KLHL29: variants seen among roughly 807,000 people sequenced by gnomAD.
KLHL29 encodes kelch like family member 29.
In KLHL29, 21 loss-of-function variants were observed where a neutral mutation model predicts 80.4. The observed-to-expected ratio is 0.26, with a 90% CI of 0.19 to 0.38. The LOEUF (loss-of-function observed/expected upper bound fraction) is 0.38. Ranked by LOEUF, KLHL29 falls within the 10% of genes least tolerant of loss-of-function variation. KLHL29 has a pLI of 1.00. For synonymous variants in KLHL29, 511 were observed against 526.8 expected, an observed-to-expected ratio of 0.97 and a Z score of 0.41; for missense variants, 867 against 1,223.9, an observed-to-expected ratio of 0.71 and a Z score of 4.35.
At chr2:23,621,176 CCAGCAG>C (rs201529828) in intron 3 of KLHL29, among the ~76,000 whole-genome samples, 1 of 152,008 alleles carries the variant, frequency 6.6e-6, no homozygotes, top group African/African-American at 2.4e-5. Flanking sequence ...CAGTTCTCAC[CCAGCAG>C]CAGCAGCAGC....
intron 5 of KLHL29, among the ~76,000 whole-genome samples, chr2:23,671,403 C>A: frequency 6.6e-6 from 1 of 152,022 alleles, no homozygotes; most frequent in East Asian, 1.9e-4. Flanking sequence ...TTCCCAAAGC[C>A]GTAGCTGACC....
intron 2 of KLHL29, among the ~76,000 whole-genome samples, chr2:23,480,520 T>C (rs576675896): frequency 2.6e-5 from 4 of 152,098 alleles, no homozygotes; most frequent in Admixed American, 1.3e-4. Context: ...TACAGATGCC[T>C]AGGTCCTTCC....
chr2:23,403,916 C>T (rs1415368541), intron 1 of KLHL29, among the ~76,000 whole-genome samples: 1 of 152,090 alleles, frequency 6.6e-6, no homozygotes, highest in Non-Finnish European at 1.5e-5. Context: ...GTGGGCAGAG[C>T]CCTCCCAAGA....
chr2:23,520,264 T>G (rs1666052022), intron 2 of KLHL29, among the ~76,000 whole-genome samples: 1 of 152,068 alleles, frequency 6.6e-6, no homozygotes, highest in African/African-American at 2.4e-5. Flanking sequence ...GTTCATCGTG[T>G]TAATTCTGTT....
Position 23,596,856 on chromosome 2 carries a change from C to T in KLHL29, c.285+34375C>T, listed in dbSNP as rs1461001033. The stretch of plus-strand genomic sequence containing the variant: ...TTTACCCATTTTTCAGATTTTCCTC[C>T]TTCTTACTCATGGCACTCATGTAAG... On this transcript the variant is annotated intron_variant, in intron 3 of 13. Coordinates refer to ENST00000486442, the MANE Select transcript of KLHL29 (RefSeq NM_052920.2). This position sits in a 1 kb window ranked among gnomAD's most constrained non-coding sequence, Gnocchi z 4.4. Among the ~76,000 whole-genome samples the T allele has an allele frequency of 6.6e-6, 1 of 152,136 alleles. No individual in the cohort carries two copies. The highest frequency in any genetic ancestry group is 2.4e-5 in the African/African-American group (1 of 41,426).
intron 2 of KLHL29, among the ~76,000 whole-genome samples, chr2:23,555,307 C>A (rs1667257306): frequency 6.6e-6 from 1 of 152,208 alleles, no homozygotes; most frequent in Non-Finnish European, 1.5e-5. Flanking sequence ...CCTGTTGAGA[C>A]ATGAGGGTTC....
At chr2:23,609,586 G>A (rs1668807977) in intron 3 of KLHL29, among the ~76,000 whole-genome samples, 1 of 152,020 alleles carries the variant, frequency 6.6e-6, no homozygotes, top group Non-Finnish European at 1.5e-5. Flanking sequence ...GGAGCCGGGT[G>A]CAGAATTTCA....
intron 1 of KLHL29, among the ~76,000 whole-genome samples, chr2:23,416,870 C>T (rs1666991986): frequency 6.6e-6 from 1 of 152,140 alleles, no homozygotes. Context: ...AGTACTGACC[C>T]CACTGCTGAC....
intron 3 of KLHL29, among the ~76,000 whole-genome samples, chr2:23,637,709 C>CT (rs1318233711): frequency 1.3e-5 from 2 of 152,156 alleles, no homozygotes; most frequent in Non-Finnish European, 2.9e-5. Context: ...TCCACACCCC[C>CT]TTTCTGTCCC....
intron 2 of KLHL29, among the ~76,000 whole-genome samples, chr2:23,517,774 C>G (rs911514150): frequency 6.6e-6 from 1 of 152,234 alleles, no homozygotes; most frequent in Non-Finnish European, 1.5e-5. Context: ...TGCTCAGCAG[C>G]TCCCTGTGGT....
In KLHL29 at chr2:23,489,702, C is replaced by T. The variant is rs984974562; in HGVS notation, c.-46+14035C>T. ...TCCTGCAGGGACGGCACTAGATGGC[C>T]CCGAGTGAATGTGCCTGGCCCCTGC... is the stretch of plus-strand genomic sequence containing the variant. On this transcript the variant is annotated intron_variant, in intron 2 of 13. Coordinates refer to ENST00000486442, the MANE Select transcript of KLHL29 (RefSeq NM_052920.2). Among the ~76,000 whole-genome samples the T allele has an allele frequency of 2.6e-5, 4 of 151,812 alleles. No homozygotes were observed. The Middle Eastern group carries it at 0.01, about 387-fold the overall frequency.
intron 1 of KLHL29, among the ~76,000 whole-genome samples, chr2:23,416,059 A>G (rs961693163): frequency 2.6e-5 from 4 of 152,148 alleles, no homozygotes; most frequent in Non-Finnish European, 5.9e-5. Flanking sequence ...GTGGCTTAGA[A>G]TCTGTTCTTG....
intron 8 of KLHL29, among the ~76,000 whole-genome samples, chr2:23,693,818 C>T (rs1354858448): frequency 6.6e-6 from 1 of 152,158 alleles, no homozygotes; most frequent in Non-Finnish European, 1.5e-5. Context: ...GGAACACGGA[C>T]CCAGCTGGAG....
chr2:23,410,911 A>T (rs1266756241), intron 1 of KLHL29, among the ~76,000 whole-genome samples: 2 of 152,128 alleles, frequency 1.3e-5, no homozygotes, highest in Admixed American at 6.5e-5. Flanking sequence ...ACAGAGATGG[A>T]ACTTGGAAGT....
At chr2:23,512,236 G>T (rs1247540216) in intron 2 of KLHL29, among the ~76,000 whole-genome samples, 1 of 152,074 alleles carries the variant, frequency 6.6e-6, no homozygotes, top group African/African-American at 2.4e-5. Flanking sequence ...ACCTGAGGTC[G>T]GGAGTTCAAG....
At chr2:23,627,125 C>A (rs1377175544) in intron 3 of KLHL29, among the ~76,000 whole-genome samples, 1 of 152,216 alleles carries the variant, frequency 6.6e-6, no homozygotes, top group Non-Finnish European at 1.5e-5. Context: ...CTGCCTCTTC[C>A]ACCACTGCTT....
chr2:23,488,510 C>T (rs1401140995), intron 2 of KLHL29, among the ~76,000 whole-genome samples: 1 of 152,200 alleles, frequency 6.6e-6, no homozygotes, highest in East Asian at 1.9e-4. Context: ...TGACCCAGCT[C>T]CTGTGTCTGG....
At chr2:23,551,995 A>T (rs1667143777) in intron 2 of KLHL29, among the ~76,000 whole-genome samples, 1 of 152,236 alleles carries the variant, frequency 6.6e-6, no homozygotes, top group Non-Finnish European at 1.5e-5. Flanking sequence ...GGACTGCTTA[A>T]CACCAGCAGG....
At chr2:23,453,672 A>G (rs895219876) in intron 1 of KLHL29, among the ~76,000 whole-genome samples, 7 of 152,330 alleles carry the variant, frequency 4.6e-5, no homozygotes, top group South Asian at 2.1e-4. Context: ...CAGGGCTTCA[A>G]TTAAGCCAGA....
Sources: allele counts gnomAD v4.1 joint callset (sites outside exome capture counted in the v4.1 genomes callset), GRCh38; gene constraint gnomAD v4.1.1; non-coding constraint Gnocchi (gnomAD v3.1); transcripts MANE v1.5; gene names NCBI Gene and HGNC (gene_info 2026-07-23, HGNC 2026-07-21).